Variants in TMC2 observed in about 807,000 individuals in gnomAD.
TMC2 encodes the protein transmembrane channel-like protein 2.
In TMC2, 102 loss-of-function variants were observed where a neutral mutation model predicts 105.9. That is an observed-to-expected ratio of 0.96 (90% CI 0.82 to 1.14). TMC2 has a LOEUF of 1.14. Ranked by LOEUF, TMC2 falls within the 50% of genes most tolerant of loss-of-function variation. TMC2 has a pLI of 0.00. For synonymous variants in TMC2, 402 were observed against 422.8 expected, an observed-to-expected ratio of 0.95 and a Z score of 0.60; for missense variants, 1,093 against 1,134.3, an observed-to-expected ratio of 0.96 and a Z score of 0.52.
rs1238692067 is a variant in TMC2 at position 2,616,527 on chromosome 20, G to A, written c.1940+323G>A. 1.4e-5 allele frequency among the ~76,000 whole-genome samples: 2 copies of A among 139,226 alleles called. No homozygotes were observed. Among genetic ancestry groups the A allele is most frequent in the African/African-American group, 3.1e-5 (1 of 32,466 alleles). 91.3% of individuals were successfully genotyped at this position (139,226 alleles called of 152,430 possible). A position where few individuals can be genotyped will look rare whatever the true frequency, so the allele number is the denominator to read the frequency against. ...AAGACAAAGGAAAGGGAAAAGGAAGGAGTAAAGAAGAGGAGGAAAAGAGGA... is the reference window on the plus strand; with the variant it reads ...AAGACAAAGGAAAGGGAAAAGGAAGAAGTAAAGAAGAGGAGGAAAAGAGGA... On this transcript the variant is annotated intron_variant, in intron 15 of 19. Coordinates refer to ENST00000358864, the MANE Select transcript of TMC2 (RefSeq NM_080751.3). The surrounding 1 kb of genome is among the most constrained non-coding windows in gnomAD (Gnocchi z 4.8).
At chr20:2,636,813 A>G (rs1171800932) in intron 18 of TMC2, among the ~76,000 whole-genome samples, 2 of 152,072 alleles carry the variant, frequency 1.3e-5, no homozygotes, top group Non-Finnish European at 2.9e-5. Flanking sequence ...TTTTTAGTAC[A>G]TGTGAGCCAG....
chr20:2,607,058 G>A (rs17227316), intron 11 of TMC2, among the ~76,000 whole-genome samples: 26,349 of 151,066 alleles, frequency 0.17, 2,872 homozygotes, highest in East Asian at 0.29. Flanking sequence ...TTTTTGGTGC[G>A]TTTTCATTAT....
intron 17 of TMC2, among the ~76,000 whole-genome samples, chr20:2,635,253 A>G (rs1004443282): frequency 6.6e-6 from 1 of 152,172 alleles, no homozygotes. Flanking sequence ...TCTAAAACCC[A>G]TAAGGTCAGG....
chr20:2,560,586 C>T (rs2086018968), intron 3 of TMC2, among the ~76,000 whole-genome samples: 1 of 152,100 alleles, frequency 6.6e-6, no homozygotes, highest in Admixed American at 6.5e-5. Context: ...GCCTGTAATC[C>T]CAGCACTTTG....
chr20:2,611,991 T>A (rs1284335178), intron 12 of TMC2, among the ~76,000 whole-genome samples, 200 bp from the exon 13 acceptor site: 1 of 152,070 alleles, frequency 6.6e-6, no homozygotes, highest in African/African-American at 2.4e-5. Context: ...AGAAGATAAC[T>A]TCATGGGAAA....
intron 13 of TMC2, 51 bp from the exon 14 acceptor site, chr20:2,613,143 G>T (rs577010095): frequency 1.3e-6 from 2 of 1,581,594 alleles, no homozygotes; most frequent in Non-Finnish European, 1.7e-6. Context: ...GGGAGGGTGG[G>T]AGAAGTGGGC....
At position 2,579,384 on chromosome 20, in the gene TMC2, T is replaced by TTTTATTTA. The variant is rs140358031; in HGVS notation, c.727+193_727+200dup. On this transcript the variant is annotated intron_variant, in intron 6 of 19. Coordinates refer to ENST00000358864, the MANE Select transcript of TMC2 (RefSeq NM_080751.3). Reference sequence around the variant, plus strand: ...TGAACTTGTCAGGCCAAGATTTATTTTTTATTTATTTATTTATTTATTTAT... The same window carrying TTTTATTTA: ...TGAACTTGTCAGGCCAAGATTTATTTTTTATTTATTTATTTATTTATTTATTTATTTAT... 3.8e-3 allele frequency among the ~76,000 whole-genome samples: 566 copies of TTTTATTTA among 147,270 alleles called. 2 individuals carry two copies. Among genetic ancestry groups the TTTTATTTA allele is most frequent in the East Asian group, 0.019 (96 of 5,074 alleles).
chr20:2,557,580 G>A (rs893733882), intron 2 of TMC2, among the ~76,000 whole-genome samples: 1 of 152,038 alleles, frequency 6.6e-6, no homozygotes, highest in African/African-American at 2.4e-5. Flanking sequence ...GCTTAGGCTG[G>A]AGTGCACTGG....
intron 4 of TMC2, among the ~76,000 whole-genome samples, chr20:2,566,620 C>T (rs6114955): frequency 0.13 from 19,390 of 152,136 alleles, 1,533 homozygotes; most frequent in African/African-American, 0.22. Flanking sequence ...GGAGTAGAGA[C>T]GCTTTTCCCT....
At chr20:2,551,425 A>C (rs868370035) in intron 2 of TMC2, among the ~76,000 whole-genome samples, 8 of 150,388 alleles carry the variant, frequency 5.3e-5, no homozygotes, top group Non-Finnish European at 1.0e-4. Context: ...TTCTCTTCAC[A>C]GTGTCTTTTG....
In TMC2 at chr20:2,642,370, C is replaced by G. The variant is rs1398448150; in HGVS notation, c.*1019C>G. ...TGGAGCACAAAACAGGGAGTGAAAA[C>G]AGTGAATCACAGGAGCGAGTGAGTT... On this transcript the variant is annotated 3_prime_UTR_variant, in exon 20 of 20. Transcript: ENST00000358864. 6.6e-6 allele frequency among the ~76,000 whole-genome samples: 1 copy of G among 152,136 alleles called. No individual in the cohort carries two copies. Among genetic ancestry groups the G allele is most frequent in the Non-Finnish European group, 1.5e-5 (1 of 68,024 alleles).
chr20:2,579,898 G>T (rs916483207), intron 6 of TMC2, 52 bp from the exon 7 acceptor site: 7 of 1,176,510 alleles, frequency 5.9e-6, no homozygotes, highest in Admixed American at 5.2e-5. Context: ...GCTCAATAGT[G>T]TCCATTTTTT....
intron 7 of TMC2, among the ~76,000 whole-genome samples, chr20:2,591,609 G>A (rs899628593): frequency 6.6e-6 from 1 of 152,166 alleles, no homozygotes; most frequent in Non-Finnish European, 1.5e-5. Context: ...GGAGGCTGAG[G>A]TGGGAGGATC....
At chr20:2,638,556 GGTGT>G (rs2146274632) in intron 19 of TMC2, among the ~76,000 whole-genome samples, 1 of 152,248 alleles carries the variant, frequency 6.6e-6, no homozygotes, top group East Asian at 1.9e-4. Context: ...TCCAGAAGAA[GGTGT>G]TGTTATCACA....
chr20:2,564,221 G>T (rs1486589774), intron 4 of TMC2, among the ~76,000 whole-genome samples: 2 of 138,912 alleles, frequency 1.4e-5, no homozygotes, highest in Non-Finnish European at 1.5e-5. Flanking sequence ...CACAATCTCG[G>T]CTCACTGCAA....
chr20:2,620,098 G>C (rs1014720141), intron 16 of TMC2, among the ~76,000 whole-genome samples: 1 of 152,066 alleles, frequency 6.6e-6, no homozygotes, highest in Non-Finnish European at 1.5e-5. Context: ...AAAAAGAAAA[G>C]AGAAGAGAAG....
At chr20:2,593,609 C>T (rs566421185) in intron 8 of TMC2, among the ~76,000 whole-genome samples, 18 of 152,252 alleles carry the variant, frequency 1.2e-4, no homozygotes, top group African/African-American at 4.1e-4. Flanking sequence ...CAAATAGGAT[C>T]CCATCATTAG....
At chr20:2,620,088 AAAAAG>A (rs2086514128) in intron 16 of TMC2, among the ~76,000 whole-genome samples, 1 of 152,192 alleles carries the variant, frequency 6.6e-6, no homozygotes, top group Admixed American at 6.5e-5. Flanking sequence ...CAAAAAAGAA[AAAAAG>A]AAAAGAGAAG....
intron 11 of TMC2, among the ~76,000 whole-genome samples, chr20:2,609,933 C>T (rs902380207): frequency 2.0e-5 from 3 of 152,214 alleles, no homozygotes; most frequent in Admixed American, 6.5e-5. Context: ...CTGTAACCTC[C>T]GCCTCCAGGG....
Sources: allele counts gnomAD v4.1 joint callset (sites outside exome capture counted in the v4.1 genomes callset), GRCh38; gene constraint gnomAD v4.1.1; non-coding constraint Gnocchi (gnomAD v3.1); transcripts MANE v1.5; gene names NCBI Gene and HGNC (gene_info 2026-07-23, HGNC 2026-07-21).